Variants in PTPA observed in about 807,000 individuals in gnomAD.
PTPA encodes the protein serine/threonine-protein phosphatase 2A activator.
In PTPA, 13 loss-of-function variants were observed where a neutral mutation model predicts 43.6. That is an observed-to-expected ratio of 0.30 (90% CI 0.19 to 0.47). The LOEUF (loss-of-function observed/expected upper bound fraction) is 0.47. Ranked by LOEUF, PTPA falls within the 20% of genes least tolerant of loss-of-function variation. The pLI, the probability that PTPA is intolerant of heterozygous loss-of-function variation, is 0.99. For synonymous variants in PTPA, 172 were observed against 158.2 expected (o/e 1.09, Z -0.66); for missense variants, 329 against 411.9 (o/e 0.80, Z 1.74).
chr9:129,120,514 T>G lies in PTPA; in HGVS notation c.33T>G (p.Asp11Glu). 1 of 1,609,008 alleles carries G rather than the reference T, an allele frequency of 6.2e-7. No individual in the cohort carries two copies. MAEGERQPPP[D>E]SSEEAPPATQ... Reference sequence around the variant, plus strand: ...GTTTTTTCATTTTTTTTTGTCAAGATTCTTCAGAGGAGGCCCCTCCAGCCA... The same window carrying G: ...GTTTTTTCATTTTTTTTTGTCAAGAGTCTTCAGAGGAGGCCCCTCCAGCCA... The change falls in exon 2 of 10, where the codon GAT (aspartate) becomes GAG (glutamate). Residue 11 changes from aspartate (D) to glutamate (E), a missense_variant and splice_region_variant. Coordinates refer to ENST00000393370, the MANE Select transcript of PTPA (RefSeq NM_178000.3).
chr9:129,143,806 C>T (rs1322338651), intron 9 of PTPA, among the ~76,000 whole-genome samples: 2 of 152,058 alleles, frequency 1.3e-5, no homozygotes, highest in East Asian at 1.9e-4. Context: ...CGGCTCTCCA[C>T]TCCGACTCTG....
intron 1 of PTPA, among the ~76,000 whole-genome samples, chr9:129,116,499 GC>G (rs1848885002): frequency 6.7e-6 from 1 of 149,250 alleles, no homozygotes; most frequent in Non-Finnish European, 1.5e-5. Context: ...CCATTCTCCT[GC>G]CTCAGCCTCC....
At chr9:129,119,733 C>T (rs904737858) in intron 1 of PTPA, 1 of 152,154 alleles carries the variant, frequency 6.6e-6, no homozygotes, top group African/African-American at 2.4e-5. Context: ...TGTGAATTGC[C>T]TGTGTATGTC....
At chr9:129,126,697 AGAATGGGAGAGCTG>A (rs1314950721) in intron 3 of PTPA, among the ~76,000 whole-genome samples, 2 of 152,126 alleles carry the variant, frequency 1.3e-5, no homozygotes, top group Non-Finnish European at 2.9e-5. Context: ...TGGCCTAGGG[AGAATGGGAGAGCTG>A]GAGTTGTTCT....
chr9:129,134,645 G>A, intron 5 of PTPA, 150 bp from the exon 6 acceptor site: 1 of 623,998 alleles, frequency 1.6e-6, no homozygotes. Flanking sequence ...GGCCTAGCAA[G>A]TCTTTCTGAA....
chr9:129,123,712 T>G (rs1849402766), intron 3 of PTPA, among the ~76,000 whole-genome samples: 1 of 151,846 alleles, frequency 6.6e-6, no homozygotes, highest in African/African-American at 2.4e-5. Flanking sequence ...AGACGTAGTT[T>G]TGCTCTTGTT....
At chr9:129,133,748 A>G (rs916712341) in intron 5 of PTPA, among the ~76,000 whole-genome samples, 1 of 152,174 alleles carries the variant, frequency 6.6e-6, no homozygotes, top group African/African-American at 2.4e-5. Flanking sequence ...GCTCTTTCCT[A>G]TGGCCAAAAG....
Position 129,147,543 on chromosome 9 carries a change from C to T in PTPA, c.*79C>T. On this transcript the variant is annotated 3_prime_UTR_variant, in exon 10 of 10. Coordinates refer to ENST00000393370, the MANE Select transcript of PTPA (RefSeq NM_178000.3). Reference sequence around the variant, plus strand: ...CACCCCAGCAGTGGCCCCTCCCCATCCCCTCCCTCTGTTCGTCCCGTTTGA... The same window carrying T: ...CACCCCAGCAGTGGCCCCTCCCCATTCCCTCCCTCTGTTCGTCCCGTTTGA... 4 of 1,418,454 alleles carry T rather than the reference C, an allele frequency of 2.8e-6. No homozygotes were observed. The highest frequency in any genetic ancestry group is 2.9e-6 in the Non-Finnish European group (3 of 1,018,898). 87.9% of individuals were successfully genotyped at this position (1,418,454 alleles called of 1,614,324 possible). A position where few individuals can be genotyped will look rare whatever the true frequency, so the allele number is the denominator to read the frequency against.
chr9:129,111,417 C>T lies in PTPA; in HGVS notation c.-184C>T. 2 of 1,249,046 alleles carry T rather than the reference C, an allele frequency of 1.6e-6. No homozygotes were observed. The highest frequency in any genetic ancestry group is 2.0e-6 in the Non-Finnish European group (2 of 989,624). 77.4% of individuals were successfully genotyped at this position (1,249,046 alleles called of 1,614,324 possible). ...GGCTTGCTCCCTGAGCGCCCCGCACCGACATGGCGGCCGTCTTCGCTGTGG... is the reference window on the plus strand; with the variant it reads ...GGCTTGCTCCCTGAGCGCCCCGCACTGACATGGCGGCCGTCTTCGCTGTGG... On this transcript the variant is annotated 5_prime_UTR_variant, in exon 1 of 10. Transcript: ENST00000393370.
At chr9:129,139,879 C>T (rs758242682) in intron 8 of PTPA, 2 of 152,078 alleles carry the variant, frequency 1.3e-5, no homozygotes, top group African/African-American at 4.8e-5. Flanking sequence ...GGTGAGGGAC[C>T]CCACCTTGCA....
chr9:129,128,208 A>G, intron 3 of PTPA: 1 of 437,696 alleles, frequency 2.3e-6, no homozygotes, highest in Middle Eastern at 3.6e-4. Context: ...CATGTAAAAC[A>G]CTATGAGAAG....
At position 129,123,612 on chromosome 9, in the gene PTPA, ATATT is replaced by A. The variant is rs200290372; in HGVS notation, c.216+478_216+481del. Among the ~76,000 whole-genome samples, 219 of 152,282 alleles carry A rather than the reference ATATT, an allele frequency of 1.4e-3. 3 individuals are homozygous for A. In the East Asian group the frequency reaches 0.038, roughly 27 times the overall value. On this transcript the variant is annotated intron_variant, in intron 3 of 9. Transcript: ENST00000393370. ...ATTTTTGAAATCTGTGAATAGATGG[ATATT>A]TATAAAATTGAGATCAAGGTAAATA...
chr9:129,143,758 A>G (rs905522758), intron 9 of PTPA: 3 of 248,778 alleles, frequency 1.2e-5, no homozygotes, highest in Non-Finnish European at 2.4e-5. Flanking sequence ...CGTTGGCTGG[A>G]GCTGCCTAGG....
chr9:129,122,730 T>G (rs572045140), intron 2 of PTPA, among the ~76,000 whole-genome samples: 1 of 152,320 alleles, frequency 6.6e-6, no homozygotes, highest in African/African-American at 2.4e-5. Flanking sequence ...AATCTTGGTT[T>G]CCTCATCTGT....
intron 8 of PTPA, chr9:129,137,964 T>G: frequency 4.5e-6 from 2 of 444,292 alleles, no homozygotes; most frequent in Non-Finnish European, 4.3e-6. Context: ...TAACTGGCCT[T>G]GGTGACTGCT....
At chr9:129,136,762 G>A (rs1275038680) in intron 7 of PTPA, among the ~76,000 whole-genome samples, 167 bp downstream of exon 7, 4 of 152,252 alleles carry the variant, frequency 2.6e-5, no homozygotes, top group East Asian at 1.9e-4. Flanking sequence ...GCTGTTTACT[G>A]TCGACCTTCT....
intron 9 of PTPA, chr9:129,143,481 T>C (rs905770629): frequency 7.1e-6 from 5 of 701,882 alleles, no homozygotes; most frequent in Admixed American, 2.0e-5. Flanking sequence ...CAGGTCTTCA[T>C]TGGACCCAGA....
intron 3 of PTPA, among the ~76,000 whole-genome samples, chr9:129,123,834 C>A (rs1029520115): frequency 2.6e-5 from 4 of 152,012 alleles, no homozygotes; most frequent in African/African-American, 9.7e-5. Context: ...CAGGCGTGTG[C>A]CACCACACCT....
At chr9:129,138,977 C>G (rs1360227120) in intron 8 of PTPA, among the ~76,000 whole-genome samples, 2 of 152,234 alleles carry the variant, frequency 1.3e-5, no homozygotes, top group Non-Finnish European at 2.9e-5. Flanking sequence ...ACGCGCTGCT[C>G]TCTGTGGAGT....
Sources: allele counts gnomAD v4.1 joint callset (sites outside exome capture counted in the v4.1 genomes callset), GRCh38; gene constraint gnomAD v4.1.1; transcripts MANE v1.5; gene names NCBI Gene and HGNC (gene_info 2026-07-23, HGNC 2026-07-21).